ACRV1: variants seen among roughly 807,000 people sequenced by gnomAD.
ACRV1 encodes acrosomal protein SP-10.
Under a neutral mutation model 29.2 loss-of-function variants are expected in ACRV1, and 17 were observed. That is an observed-to-expected ratio of 0.58 (90% CI 0.40 to 0.87). ACRV1 has a LOEUF of 0.87. Ranked by LOEUF, ACRV1 falls within the 40% of genes least tolerant of loss-of-function variation. The pLI is 0.00. For synonymous variants in ACRV1, 98 were observed against 111.6 expected (o/e 0.88, Z 0.77); for missense variants, 294 against 316.0 (o/e 0.93, Z 0.53).
At chr11:125,678,403 A>C (rs1405701976) in intron 1 of ACRV1, 106 bp from the exon 2 acceptor site, 2 of 1,364,458 alleles carry the variant, frequency 1.5e-6, no homozygotes, top group Non-Finnish European at 2.0e-6. Flanking sequence ...TAGGTTTCCT[A>C]TGGGCCTAGA....
At chr11:125,673,458 C>T (rs1440637503) in intron 3 of ACRV1, among the ~76,000 whole-genome samples, 2 of 140,266 alleles carry the variant, frequency 1.4e-5, no homozygotes, top group Admixed American at 1.4e-4. Flanking sequence ...ACCTCAGCCT[C>T]CCAAAGCGCT....
In ACRV1 at chr11:125,677,990, T is replaced by A. The variant is rs771971251; in HGVS notation, c.360A>T (p.Ser120=). The A allele has an allele frequency of 6.2e-7, 1 of 1,613,512 alleles. No individual in the cohort carries two copies. The highest frequency in any genetic ancestry group is 1.3e-5 in the African/African-American group (1 of 74,906). The change falls in exon 2 of 4, where the codon TCA becomes TCT. Residue 120 remains serine (S), a synonymous_variant. Transcript: ENST00000533904. ...VGEQPSGEQP[S]GEHLSGEQPL... ...GCTGTTCTCCGGAGAGGTGTTCACC[T>A]GAAGGCTGTTCTCCTGAAGGCTGCT...
chr11:125,678,414 T>C (rs1054092178), intron 1 of ACRV1, 117 bp from the exon 2 acceptor site: 1 of 1,251,726 alleles, frequency 8.0e-7, no homozygotes, highest in African/African-American at 1.5e-5. Context: ...TGGGCCTAGA[T>C]TGGGCACCTG....
intron 3 of ACRV1, chr11:125,675,852 C>CT (rs1942478807): frequency 6.5e-6 from 1 of 154,366 alleles, no homozygotes; most frequent in African/African-American, 2.4e-5. Context: ...GGAAGGGCAT[C>CT]TATCTCTTCA....
At chr11:125,673,969 G>A (rs1942349914) in intron 3 of ACRV1, among the ~76,000 whole-genome samples, 9 of 152,138 alleles carry the variant, frequency 5.9e-5, no homozygotes, top group Admixed American at 5.2e-4. Flanking sequence ...GACCAGCCTG[G>A]CCAAAATGGT....
chr11:125,671,612 T>G lies in ACRV1; in HGVS notation c.*981A>C, dbSNP rs1393391781. 1.3e-5 allele frequency: 2 copies of G among 152,214 alleles called. No individual in the cohort carries two copies. The highest frequency in any genetic ancestry group is 4.8e-5 in the African/African-American group (2 of 41,454). The allele number at this position is 152,214 out of a possible 1,614,324, so 9.4% of individuals were successfully genotyped here. A position where few individuals can be genotyped will look rare whatever the true frequency, so the allele number is the denominator to read the frequency against. On this transcript the variant is annotated 3_prime_UTR_variant, in exon 4 of 4. Coordinates refer to ENST00000533904, the MANE Select transcript of ACRV1 (RefSeq NM_001612.6). ...GTTCTAAGAGTTCTTAGAACCATTC[T>G]GGCTACTTTCATTGTGGTGGAAACA...
chr11:125,678,440 G>A, intron 1 of ACRV1, 143 bp from the exon 2 acceptor site: 2 of 988,130 alleles, frequency 2.0e-6, no homozygotes, highest in Non-Finnish European at 2.9e-6. Flanking sequence ...TGCAGATGTT[G>A]GGAAAAATCA....
chr11:125,676,624 T>C, intron 2 of ACRV1, 146 bp from the exon 3 acceptor site: 1 of 1,037,814 alleles, frequency 9.6e-7, no homozygotes, highest in Non-Finnish European at 1.4e-6. Context: ...GGGCCCTGTG[T>C]CTGATAGACC....
chr11:125,679,239 A>G (rs1942685155), intron 1 of ACRV1, among the ~76,000 whole-genome samples: 3 of 42,868 alleles, frequency 7.0e-5, no homozygotes, highest in South Asian at 1.7e-3. Flanking sequence ...TGTTTCAAAG[A>G]TAGAGTCTCG....
chr11:125,671,894 T>C lies in ACRV1; in HGVS notation c.*699A>G, dbSNP rs1315657010. 1 of 152,202 alleles carries C rather than the reference T, an allele frequency of 6.6e-6. No individual in the cohort carries two copies. Among genetic ancestry groups the C allele is most frequent in the East Asian group, 1.9e-4 (1 of 5,204 alleles). 9.4% of individuals were successfully genotyped at this position (152,202 alleles called of 1,614,324 possible). The stretch of plus-strand genomic sequence containing the variant: ...ACTTATATGAGGGACCGTTTAGTAT[T>C]TCCATTTGCCCTCCTATCCTGTATA... On this transcript the variant is annotated 3_prime_UTR_variant, in exon 4 of 4. Transcript: ENST00000533904.
chr11:125,678,619 C>T (rs913155181), intron 1 of ACRV1, among the ~76,000 whole-genome samples: 3 of 152,198 alleles, frequency 2.0e-5, no homozygotes, highest in Middle Eastern at 3.4e-3. Flanking sequence ...ATGTGCCTCC[C>T]TGACAAAGTC....
chr11:125,676,541 C>T (rs1266115653), intron 2 of ACRV1, 63 bp from the exon 3 acceptor site: 2 of 1,599,954 alleles, frequency 1.3e-6, no homozygotes, highest in African/African-American at 1.3e-5. Context: ...CCTTGATTCA[C>T]ATCTGGGAGG....
At position 125,672,678 on chromosome 11, in the gene ACRV1, A is replaced by G. The variant is rs1220437594; in HGVS notation, c.713T>C (p.Met238Thr). ...LQFMVQGCEN[M>T]CPSMNLFSHG... is the part of the protein sequence containing the mutation. ...GGAGAAGAGGTTCATAGATGGGCACATGTTCTCACACCCTTGAACCATGAA... is the reference window on the plus strand; with the variant it reads ...GGAGAAGAGGTTCATAGATGGGCACGTGTTCTCACACCCTTGAACCATGAA... The change falls in exon 4 of 4, where the codon ATG becomes ACG. Residue 238 changes from methionine to threonine, a missense_variant. Transcript: ENST00000533904. 3 of 1,614,216 alleles carry G rather than the reference A, an allele frequency of 1.9e-6. No homozygotes were observed. The highest frequency in any genetic ancestry group is 2.5e-6 in the Non-Finnish European group (3 of 1,180,034).
chr11:125,674,899 T>G (rs780722746), intron 3 of ACRV1, among the ~76,000 whole-genome samples: 2 of 152,234 alleles, frequency 1.3e-5, no homozygotes, highest in Non-Finnish European at 2.9e-5. Flanking sequence ...ATCTTCTATG[T>G]CTCTGCTCAC....
rs1000387485 is a variant in ACRV1, at chr11:125,677,823, C to T, written c.527G>A (p.Gly176Asp). 2 of 1,614,028 alleles carry T rather than the reference C, an allele frequency of 1.2e-6. No homozygotes were observed. The highest frequency in any genetic ancestry group is 1.1e-5 in the South Asian group (1 of 91,078). The change falls in exon 2 of 4, where the codon GGT (glycine) becomes GAT (aspartate). Residue 176 changes from glycine to aspartate, a missense_variant. Coordinates refer to ENST00000533904, the MANE Select transcript of ACRV1 (RefSeq NM_001612.6). ...TGTAGATGTGCTTGAAATTGGTGCA[C>T]CTGAAGCCTGTTCCCCTGAAGCGTG... Reference protein sequence around the residue: ...GEHASGEQASGAPISSTSTGT... With the variant: ...GEHASGEQASDAPISSTSTGT...
chr11:125,673,562 A>G (rs1471497146), intron 3 of ACRV1, among the ~76,000 whole-genome samples: 4 of 151,506 alleles, frequency 2.6e-5, no homozygotes, highest in African/African-American at 4.8e-5. Flanking sequence ...CTGCTCATCT[A>G]CTCCTCTGGA....
In ACRV1 at chr11:125,677,650, C is replaced by A. The variant is rs113526100; in HGVS notation, c.553+147G>T. ...CACATGCCTCTTGGTATGATTGTGACGAGAACTAGAGAGACTTTGAGAGAG... is the reference window on the plus strand; with the variant it reads ...CACATGCCTCTTGGTATGATTGTGAAGAGAACTAGAGAGACTTTGAGAGAG... On this transcript the variant is annotated intron_variant, in intron 2 of 3. Coordinates refer to ENST00000533904, the MANE Select transcript of ACRV1 (RefSeq NM_001612.6). The A allele has an allele frequency of 6.5e-4, 731 of 1,117,084 alleles. 3 individuals carry two copies. The African/African-American group carries it at 9.4e-3, about 14-fold the overall frequency. The allele number at this position is 1,117,084 out of a possible 1,614,324, so 69.2% of individuals were successfully genotyped here.
rs370066271 is a variant in ACRV1 at position 125,676,463 on chromosome 11, C to T, written c.569G>A (p.Cys190Tyr). The change falls in exon 3 of 4, where the codon TGC (cysteine) becomes TAC (tyrosine). Residue 190 changes from cysteine to tyrosine, a missense_variant. Physicochemically the swap from Cys to Tyr is radical, Grantham distance 194. Coordinates refer to ENST00000533904, the MANE Select transcript of ACRV1 (RefSeq NM_001612.6). The stretch of plus-strand genomic sequence containing the variant: ...ATCATTCATATAAGCACATGTGTAG[C>T]AATTTAATATTGTGCCTGAAAATTT... ...SSTSTGTILN[C>Y]YTCAYMNDQG... The T allele has an allele frequency of 1.5e-5, 24 of 1,614,138 alleles. No individual in the cohort carries two copies. The highest frequency in any genetic ancestry group is 1.9e-5 in the Non-Finnish European group (23 of 1,179,996).
chr11:125,680,316 G>A (rs61214748), intron 1 of ACRV1, among the ~76,000 whole-genome samples: 3 of 152,072 alleles, frequency 2.0e-5, no homozygotes, highest in Non-Finnish European at 2.9e-5. Flanking sequence ...TAGCTCTGTC[G>A]TGTTCTGAGG....
Sources: gnomAD v4.1 joint callset for allele counts (sites outside exome capture counted in the v4.1 genomes callset) on GRCh38, gnomAD v4.1.1 for gene constraint, MANE v1.5 for transcripts, NCBI Gene and HGNC (gene_info 2026-07-23, HGNC 2026-07-21) for gene names.